PAPPA: variants seen among roughly 807,000 people sequenced by gnomAD.
PAPPA encodes pappalysin-1.
Under a neutral mutation model 164.0 loss-of-function variants are expected in PAPPA, and 60 were observed. That is an observed-to-expected ratio of 0.37 (90% CI 0.30 to 0.45). The LOEUF is 0.45. PAPPA is among the 20% of genes least tolerant of loss of function. PAPPA has a pLI of 1.00. For missense variants in PAPPA, 1,782 were observed against 2,087.3 expected (o/e 0.85, Z 2.85); for synonymous variants, 875 against 814.1 (o/e 1.07, Z -1.27).
intron 10 of PAPPA, among the ~76,000 whole-genome samples, chr9:116,321,355 C>T (rs535850959): frequency 5.9e-5 from 9 of 152,284 alleles, no homozygotes; most frequent in African/African-American, 2.2e-4. Flanking sequence ...TAAGCTGGAC[C>T]TTCCTCTGCT....
At chr9:116,276,102 T>C (rs1168965901) in intron 9 of PAPPA, among the ~76,000 whole-genome samples, 1 of 152,090 alleles carries the variant, frequency 6.6e-6, no homozygotes, top group Non-Finnish European at 1.5e-5. Context: ...AGTGAAAAAA[T>C]GTGGTATCAG....
intron 1 of PAPPA, among the ~76,000 whole-genome samples, chr9:116,177,101 A>T (rs1008967705): frequency 5.3e-5 from 8 of 152,064 alleles, no homozygotes; most frequent in African/African-American, 1.9e-4. Context: ...CATTTCTCTG[A>T]TACTTCCCAT....
At chr9:116,315,509 A>G (rs560512347) in intron 10 of PAPPA, among the ~76,000 whole-genome samples, 3 of 152,366 alleles carry the variant, frequency 2.0e-5, no homozygotes, top group African/African-American at 7.2e-5. Context: ...GGCAAAAAGT[A>G]GGAAACAGCT....
chr9:116,289,493 G>C (rs990966673), intron 9 of PAPPA, among the ~76,000 whole-genome samples: 6 of 150,902 alleles, frequency 4.0e-5, no homozygotes, highest in Non-Finnish European at 7.4e-5. Flanking sequence ...TTCTCACAGA[G>C]CAATTTTTAT....
At chr9:116,285,170 TC>T (rs1182037900) in intron 9 of PAPPA, among the ~76,000 whole-genome samples, 15 of 109,876 alleles carry the variant, frequency 1.4e-4, no homozygotes, top group African/African-American at 4.5e-4. Flanking sequence ...TTTCTTTCTT[TC>T]TTTTTTTTTT....
intron 18 of PAPPA, 108 bp from the exon 19 acceptor site, chr9:116,367,537 T>C: frequency 2.6e-6 from 2 of 762,104 alleles, no homozygotes; most frequent in East Asian, 5.4e-5. Flanking sequence ...GTTGGGTAGC[T>C]GAGTCCACCA....
intron 1 of PAPPA, among the ~76,000 whole-genome samples, chr9:116,157,105 C>G (rs1182386161): frequency 6.6e-6 from 1 of 152,198 alleles, no homozygotes; most frequent in Non-Finnish European, 1.5e-5. Flanking sequence ...GCCAGGCTGC[C>G]TTACATCACT....
chr9:116,160,657 C>T (rs758325176), intron 1 of PAPPA, among the ~76,000 whole-genome samples: 15 of 152,124 alleles, frequency 9.9e-5, no homozygotes, highest in African/African-American at 1.9e-4. Flanking sequence ...GCTGAGGGCT[C>T]GGGAATCCAG....
intron 2 of PAPPA, among the ~76,000 whole-genome samples, chr9:116,202,124 CG>C (rs1023860682): frequency 5.9e-5 from 9 of 152,296 alleles, no homozygotes; most frequent in Admixed American, 3.3e-4. Context: ...ACCATTGAAA[CG>C]GGAAGGCCAG....
At chr9:116,364,776 G>T (rs1846477796) in intron 18 of PAPPA, among the ~76,000 whole-genome samples, 1 of 152,188 alleles carries the variant, frequency 6.6e-6, no homozygotes, top group Admixed American at 6.5e-5. Flanking sequence ...AGGGGTGGGA[G>T]GGTGGTATTT....
chr9:116,294,679 G>A (rs1208866992), intron 9 of PAPPA, among the ~76,000 whole-genome samples: 2 of 152,166 alleles, frequency 1.3e-5, no homozygotes, highest in Admixed American at 6.5e-5. Context: ...ATCACGCTTT[G>A]TTGTGTGTGG....
chr9:116,272,863 G>T (rs546857074), intron 9 of PAPPA, among the ~76,000 whole-genome samples: 1 of 152,242 alleles, frequency 6.6e-6, no homozygotes, highest in African/African-American at 2.4e-5. Context: ...CTGGCCAAGT[G>T]GCTTCCCTAG....
chr9:116,170,619 A>G (rs932319827), intron 1 of PAPPA, among the ~76,000 whole-genome samples: 7 of 105,154 alleles, frequency 6.7e-5, no homozygotes, highest in African/African-American at 2.5e-4. Context: ...CTACCCCCTT[A>G]TCTCCCCCCA....
At chr9:116,206,707 C>G in intron 2 of PAPPA, among the ~76,000 whole-genome samples, 1 of 152,072 alleles carries the variant, frequency 6.6e-6, no homozygotes, top group Non-Finnish European at 1.5e-5. Flanking sequence ...AGACAGTGCT[C>G]TGCTAGTAGG....
At chr9:116,242,585 A>G (rs1421083242) in intron 7 of PAPPA, among the ~76,000 whole-genome samples, 1 of 152,232 alleles carries the variant, frequency 6.6e-6, no homozygotes, top group Non-Finnish European at 1.5e-5. Context: ...GTGGGCATTT[A>G]GGTCACTTCA....
At chr9:116,228,311 C>T (rs571155715) in intron 6 of PAPPA, among the ~76,000 whole-genome samples, 21 of 152,246 alleles carry the variant, frequency 1.4e-4, no homozygotes, top group African/African-American at 4.8e-4. Context: ...CCCTGGTACT[C>T]AGGGATGTAC....
intron 19 of PAPPA, among the ~76,000 whole-genome samples, chr9:116,372,179 G>A (rs1846584197): frequency 6.6e-6 from 1 of 152,120 alleles, no homozygotes; most frequent in South Asian, 2.1e-4. Context: ...AGGTGGAAAT[G>A]CCCCTCAGGT....
In PAPPA at chr9:116,187,784, A is replaced by C; in HGVS notation, c.1046A>C (p.Gln349Pro). 6.2e-7 allele frequency: 1 copy of C among 1,614,278 alleles called. No individual in the cohort carries two copies. Among genetic ancestry groups the C allele is most frequent in the Non-Finnish European group, 8.5e-7 (1 of 1,180,050 alleles). The change falls in exon 2 of 22, where the codon CAG becomes CCG. Residue 349 changes from glutamine (Q) to proline (P), a missense_variant. Transcript: ENST00000328252. This position sits in a 1 kb window ranked among gnomAD's most constrained non-coding sequence, Gnocchi z 4.2. ...TACAATCAGCTCTCAAGTTTCCGCC[A>C]GCCCAAGGTGGTGCGCTACCGCGTG... ...ASYNQLSSFRQPKVVRYRVVN... is the reference protein window; with the variant it reads ...ASYNQLSSFRPPKVVRYRVVN...
Position 116,187,622 on chromosome 9 carries a change from A to G in PAPPA, c.884A>G (p.His295Arg). The G allele has an allele frequency of 6.2e-7, 1 of 1,614,238 alleles. No individual in the cohort carries two copies. Among genetic ancestry groups the G allele is most frequent in the Non-Finnish European group, 8.5e-7 (1 of 1,180,034 alleles). Residue 295 changes from histidine to arginine, a missense_variant, in exon 2 of 22, where the codon CAT (histidine) becomes CGT (arginine). Transcript: ENST00000328252. The surrounding 1 kb of genome is among the most constrained non-coding windows in gnomAD (Gnocchi z 4.2). ...LLQENWDNVKHAWSPMKDGSS... is the reference protein window; with the variant it reads ...LLQENWDNVKRAWSPMKDGSS... Reference sequence around the variant, plus strand: ...CAGGAGAACTGGGACAATGTGAAGCATGCCTGGTCCCCCATGAAGGATGGC... The same window carrying G: ...CAGGAGAACTGGGACAATGTGAAGCGTGCCTGGTCCCCCATGAAGGATGGC...
Sources: allele counts gnomAD v4.1 joint callset (sites outside exome capture counted in the v4.1 genomes callset), GRCh38; gene constraint gnomAD v4.1.1; non-coding constraint Gnocchi (gnomAD v3.1); transcripts MANE v1.5; gene names NCBI Gene and HGNC (gene_info 2026-07-23, HGNC 2026-07-21).